The following NOL10 variants were observed in gnomAD, a reference collection of about 807,000 sequenced individuals.
NOL10 encodes H_NH0074G24.1.
A neutral mutation model predicts 103.5 loss-of-function variants in NOL10; 58 were observed. That is an observed-to-expected ratio of 0.56 (90% confidence interval 0.45 to 0.70). The LOEUF is 0.70. Among genes scored for constraint, NOL10 ranks in the 30% least tolerant of loss-of-function variants. The probability of loss-of-function intolerance (pLI) is 0.00; values close to 1 mark genes in which losing one functional copy is unlikely to be tolerated. For synonymous variants in NOL10, 287 were observed against 282.5 expected (o/e 1.02, Z -0.16); for missense variants, 763 against 807.3 (o/e 0.95, Z 0.67).
intron 13 of NOL10, among the ~76,000 whole-genome samples, chr2:10,608,138 C>T (rs1302374585): frequency 3.9e-5 from 6 of 152,030 alleles, no homozygotes; most frequent in African/African-American, 1.2e-4. Context: ...AAATATCATG[C>T]GGTACACAAC....
chr2:10,604,264 G>C (rs1168626717), intron 14 of NOL10, among the ~76,000 whole-genome samples: 1 of 152,144 alleles, frequency 6.6e-6, no homozygotes, highest in East Asian at 1.9e-4. Flanking sequence ...GGGACCCCTG[G>C]TATAAGTGAC....
chr2:10,608,857 T>C (rs1036859709), intron 13 of NOL10, among the ~76,000 whole-genome samples: 4 of 152,142 alleles, frequency 2.6e-5, no homozygotes, highest in African/African-American at 9.7e-5. Context: ...CTCGAGCATA[T>C]ATAGTCTTCC....
chr2:10,637,188 CA>C (rs61693251), intron 13 of NOL10, among the ~76,000 whole-genome samples: 12,722 of 42,948 alleles, frequency 0.3, 291 homozygotes, highest in East Asian at 0.4. Flanking sequence ...GACACTGTCT[CA>C]AAAAAAAAAA....
chr2:10,596,113 T>C (rs975141092), intron 17 of NOL10, among the ~76,000 whole-genome samples: 2 of 152,006 alleles, frequency 1.3e-5, no homozygotes, highest in Admixed American at 6.6e-5. Flanking sequence ...AAGTTCTCAG[T>C]GGTATTTAGT....
chr2:10,584,761 CTTAG>C (rs1367841801), intron 19 of NOL10, among the ~76,000 whole-genome samples: 1 of 152,090 alleles, frequency 6.6e-6, no homozygotes, highest in Admixed American at 6.6e-5. Flanking sequence ...TGATATTTAA[CTTAG>C]TAAGAATGTT....
intron 16 of NOL10, among the ~76,000 whole-genome samples, chr2:10,602,144 T>C (rs1028531489): frequency 2.0e-5 from 3 of 152,230 alleles, no homozygotes; most frequent in East Asian, 1.9e-4. Flanking sequence ...CTTGCTATTA[T>C]GCCTCAAGGG....
chr2:10,585,101 C>G (rs1674957036), intron 19 of NOL10, among the ~76,000 whole-genome samples: 1 of 152,150 alleles, frequency 6.6e-6, no homozygotes, highest in Admixed American at 6.5e-5. Context: ...TCTGAGTTGC[C>G]TGATGTGTTG....
intron 8 of NOL10, among the ~76,000 whole-genome samples, chr2:10,666,223 CT>C (rs1218862951): frequency 6.6e-6 from 1 of 152,054 alleles, no homozygotes; most frequent in Non-Finnish European, 1.5e-5. Context: ...TTCTTTCATT[CT>C]TTTTTGTGGC....
chr2:10,606,477 G>C lies in NOL10; in HGVS notation c.1153+708C>G, dbSNP rs116298254. Among the ~76,000 whole-genome samples, 120 of 151,946 alleles carry C rather than the reference G, an allele frequency of 7.9e-4. 1 individual carries two copies. Among genetic ancestry groups the C allele is most frequent in the African/African-American group, 2.8e-3 (118 of 41,438 alleles). ...CCGTCTTACCATGCTGCATGGCAGTGCACATCTGTAATCCCAGCTACTCGG... is the reference window on the plus strand; with the variant it reads ...CCGTCTTACCATGCTGCATGGCAGTCCACATCTGTAATCCCAGCTACTCGG... On this transcript the variant is annotated intron_variant, in intron 14 of 20. Transcript: ENST00000381685.
At chr2:10,687,485 C>A (rs1682299666) in intron 1 of NOL10, among the ~76,000 whole-genome samples, 1 of 152,314 alleles carries the variant, frequency 6.6e-6, no homozygotes. Flanking sequence ...AATGCTAAGA[C>A]TGCCTCAGGT....
intron 8 of NOL10, among the ~76,000 whole-genome samples, chr2:10,666,912 T>C (rs1680603644): frequency 6.6e-6 from 1 of 152,222 alleles, no homozygotes; most frequent in Non-Finnish European, 1.5e-5. Context: ...TTTTTAAAAT[T>C]ACATGCTTCT....
intron 12 of NOL10, among the ~76,000 whole-genome samples, chr2:10,650,820 G>C (rs1437199649): frequency 1.3e-5 from 2 of 152,266 alleles, no homozygotes; most frequent in East Asian, 1.9e-4. Context: ...ATGCGTAGTT[G>C]AATTATCAGC....
intron 3 of NOL10, among the ~76,000 whole-genome samples, chr2:10,677,609 C>T (rs1331214098): frequency 6.6e-6 from 1 of 151,128 alleles, no homozygotes; most frequent in Non-Finnish European, 1.5e-5. Flanking sequence ...GTAGTGGGGA[C>T]CAAGAGGCGC....
chr2:10,689,930 G>C lies in NOL10; in HGVS notation c.-69C>G, dbSNP rs1682519999. On this transcript the variant is annotated 5_prime_UTR_variant, in exon 1 of 21. Transcript: ENST00000381685. The stretch of plus-strand genomic sequence containing the variant: ...GCGTGCTCGAGCACCGTAATCCCGG[G>C]ACCTCCGAGCCCCTGCTCCGCGGCG... 3 of 1,457,598 alleles carry C rather than the reference G, an allele frequency of 2.1e-6. No homozygotes were observed. The highest frequency in any genetic ancestry group is 2.8e-5 in the African/African-American group (2 of 71,204). The allele number at this position is 1,457,598 out of a possible 1,614,324, so 90.3% of individuals were successfully genotyped here. A position where few individuals can be genotyped will look rare whatever the true frequency, so the allele number is the denominator to read the frequency against.
chr2:10,583,236 TA>T (rs2148149844), intron 19 of NOL10, among the ~76,000 whole-genome samples: 1 of 152,368 alleles, frequency 6.6e-6, no homozygotes, highest in Non-Finnish European at 1.5e-5. Flanking sequence ...GTGAATTCTC[TA>T]AAATTCTATG....
At position 10,659,173 on chromosome 2, in the gene NOL10, T is replaced by C. The variant is rs1680023081; in HGVS notation, c.755A>G (p.Gln252Arg). 11 of 1,594,920 alleles carry C rather than the reference T, an allele frequency of 6.9e-6. No homozygotes were observed. Among genetic ancestry groups the C allele is most frequent in the Admixed American group, 3.5e-5 (2 of 57,598 alleles). The change falls in exon 10 of 21, where the codon CAG becomes CGG. Residue 252 changes from glutamine to arginine, a missense_variant and splice_region_variant. Transcript: ENST00000381685. The stretch of plus-strand genomic sequence containing the variant: ...GGTTTCCAAATTAAACATATTTACC[T>C]GCCCTGTGGTTGTTCCAACTGCCAT... Reference protein sequence around the residue: ...LTMAVGTTTGQVLLYDLRSDK... With the variant: ...LTMAVGTTTGRVLLYDLRSDK...
At chr2:10,644,079 G>A (rs1445170517) in intron 13 of NOL10, among the ~76,000 whole-genome samples, 6 of 151,966 alleles carry the variant, frequency 3.9e-5, no homozygotes, top group Non-Finnish European at 5.9e-5. Flanking sequence ...GCAAAACCCC[G>A]TCTCTACCAA....
At chr2:10,635,963 G>A (rs1678181927) in intron 13 of NOL10, among the ~76,000 whole-genome samples, 3 of 152,184 alleles carry the variant, frequency 2.0e-5, no homozygotes, top group East Asian at 3.8e-4. Context: ...TCGGCTCACC[G>A]TAACCTCTGT....
rs1446972147 is a variant in NOL10, at chr2:10,572,155, T to C, written c.1983A>G (p.Lys661=). ...EQQKKQQEAE[K]LHRQERKRLR... ...GTCTTTTCCTTTCTTGTCGATGCAG[T>C]TTCTCAGCCTCCTGTTGCTTCTTCT... is the stretch of plus-strand genomic sequence containing the variant. Residue 661 remains lysine, a synonymous_variant, in exon 21 of 21, where the codon AAA becomes AAG. Coordinates refer to ENST00000381685, the MANE Select transcript of NOL10 (RefSeq NM_024894.4). 6.2e-7 allele frequency: 1 copy of C among 1,614,004 alleles called. No homozygotes were observed. The highest frequency in any genetic ancestry group is 8.5e-7 in the Non-Finnish European group (1 of 1,179,884).
Sources: gnomAD v4.1 joint callset for allele counts (sites outside exome capture counted in the v4.1 genomes callset) on GRCh38, gnomAD v4.1.1 for gene constraint, MANE v1.5 for transcripts, NCBI Gene and HGNC (gene_info 2026-07-23, HGNC 2026-07-21) for gene names.